The following SPAG17 variants were observed in gnomAD, a reference collection of about 807,000 sequenced individuals.
The protein encoded by SPAG17 is sperm-associated antigen 17.
A neutral mutation model predicts 273.6 loss-of-function variants in SPAG17; 169 were observed. The observed-to-expected ratio is 0.62, with a 90% confidence interval of 0.55 to 0.70. SPAG17 has a LOEUF of 0.70. Ranked by LOEUF, SPAG17 falls within the 30% of genes least tolerant of loss-of-function variation. SPAG17 has a pLI of 0.00. For missense variants in SPAG17, 2,557 were observed against 2,627.8 expected, an observed-to-expected ratio of 0.97 and a Z score of 0.59; for synonymous variants, 825 against 873.2, an observed-to-expected ratio of 0.94 and a Z score of 0.97.
intron 48 of SPAG17, chr1:117,962,578 T>C (rs540993110): frequency 6.6e-6 from 1 of 151,568 alleles, no homozygotes; most frequent in East Asian, 1.9e-4. Context: ...GAATGATGTA[T>C]TGGGAGTAAA....
At chr1:117,994,590 A>G in intron 34 of SPAG17, 60 bp from the exon 35 acceptor site, 1 of 1,535,324 alleles carries the variant, frequency 6.5e-7, no homozygotes. Flanking sequence ...GAGAAAATGA[A>G]AACGCATTGA....
chr1:117,987,848 C>G lies in SPAG17; in HGVS notation c.5655G>C (p.Lys1885Asn). 1 of 1,612,338 alleles carries G rather than the reference C, an allele frequency of 6.2e-7. No homozygotes were observed. The highest frequency in any genetic ancestry group is 8.5e-7 in the Non-Finnish European group (1 of 1,178,662). Residue 1885 changes from lysine (K) to asparagine (N), a missense_variant, in exon 40 of 49, where the codon AAG becomes AAC. Transcript: ENST00000336338. Reference protein sequence around the residue: ...HTASSKRWKEKIDKTRKEIET... With the variant: ...HTASSKRWKENIDKTRKEIET... The stretch of plus-strand genomic sequence containing the variant: ...GGTATAATTACCTCGTTTTGTCTAT[C>G]TTTTCTTTCCAGCGTTTTGAGGATG...
intron 3 of SPAG17, among the ~76,000 whole-genome samples, chr1:118,119,028 G>C (rs546699734): frequency 1.1e-4 from 16 of 152,206 alleles, no homozygotes; most frequent in Admixed American, 7.2e-4. Context: ...CTTCTCTCTA[G>C]AACCTCCCTA....
chr1:118,033,578 C>T (rs1648728473), intron 24 of SPAG17, among the ~76,000 whole-genome samples: 1 of 152,180 alleles, frequency 6.6e-6, no homozygotes, highest in South Asian at 2.1e-4. Flanking sequence ...GTGTACTCTC[C>T]AAACTACCAC....
intron 3 of SPAG17, among the ~76,000 whole-genome samples, chr1:118,147,217 T>C (rs1490467756): frequency 6.6e-6 from 1 of 152,220 alleles, no homozygotes; most frequent in Non-Finnish European, 1.5e-5. Flanking sequence ...TTAATATTCC[T>C]TCCTCTCTCT....
At chr1:118,005,842 T>C (rs192076477) in intron 31 of SPAG17, among the ~76,000 whole-genome samples, 2 of 152,322 alleles carry the variant, frequency 1.3e-5, no homozygotes, top group East Asian at 3.9e-4. Context: ...CTCGCTTTAA[T>C]ATCTCTTCTA....
chr1:118,107,205 C>A (rs1011057067), intron 4 of SPAG17, among the ~76,000 whole-genome samples: 1 of 152,114 alleles, frequency 6.6e-6, no homozygotes, highest in Non-Finnish European at 1.5e-5. Flanking sequence ...ATTTTATTTC[C>A]ATGATACTCT....
At chr1:118,053,067 C>T (rs1228834799) in intron 20 of SPAG17, among the ~76,000 whole-genome samples, 1 of 151,880 alleles carries the variant, frequency 6.6e-6, no homozygotes, top group Admixed American at 6.6e-5. Context: ...CTTAAGGAAA[C>T]AATGGATGAG....
chr1:118,021,439 G>C (rs887703148), intron 28 of SPAG17, among the ~76,000 whole-genome samples: 2 of 151,954 alleles, frequency 1.3e-5, no homozygotes. Context: ...GAATAAGAAG[G>C]GTGAATAGGT....
intron 18 of SPAG17, among the ~76,000 whole-genome samples, chr1:118,057,001 G>A (rs1048759228): frequency 6.7e-6 from 1 of 150,098 alleles, no homozygotes; most frequent in African/African-American, 2.5e-5. Context: ...TTGAGACTGA[G>A]TCTCGCTCTG....
chr1:118,111,553 A>AACACACACACACACACACACACAC (rs61266210), intron 4 of SPAG17, among the ~76,000 whole-genome samples: 3 of 135,858 alleles, frequency 2.2e-5, no homozygotes, highest in African/African-American at 5.7e-5. Context: ...CTTTTAAAAC[A>AACACACACACACACACACACACAC]ACACACACAC....
chr1:118,140,130 C>A (rs144155775), intron 3 of SPAG17, among the ~76,000 whole-genome samples: 1 of 152,264 alleles, frequency 6.6e-6, no homozygotes, highest in South Asian at 2.1e-4. Context: ...TGAGACTTCT[C>A]AGCCTCCTTA....
At chr1:118,146,322 G>A (rs1658989263) in intron 3 of SPAG17, among the ~76,000 whole-genome samples, 1 of 152,140 alleles carries the variant, frequency 6.6e-6, no homozygotes, top group Admixed American at 6.5e-5. Context: ...TTTTGGTCAG[G>A]ACTGACTATA....
At chr1:117,957,186 T>G (rs772971454) in intron 48 of SPAG17, 6 of 1,611,596 alleles carry the variant, frequency 3.7e-6, no homozygotes, top group East Asian at 2.2e-5. Flanking sequence ...GTGCCTCTTC[T>G]TCCTCCTTAG....
intron 46 of SPAG17, among the ~76,000 whole-genome samples, chr1:117,969,078 G>A (rs982299016): frequency 2.0e-5 from 3 of 152,146 alleles, no homozygotes; most frequent in Admixed American, 6.5e-5. Context: ...AAAGACAAAT[G>A]TGACTTTATT....
chr1:118,020,859 A>G (rs1660432411), intron 28 of SPAG17, among the ~76,000 whole-genome samples: 1 of 152,172 alleles, frequency 6.6e-6, no homozygotes, highest in African/African-American at 2.4e-5. Context: ...GTAATAATTT[A>G]TAACATGAAA....
At chr1:118,023,255 T>C in intron 28 of SPAG17, 49 bp downstream of exon 28, 1 of 1,500,298 alleles carries the variant, frequency 6.7e-7, no homozygotes. Context: ...TATTAAGCCC[T>C]TGAAGGCTTT....
chr1:118,110,287 C>T (rs1046798535), intron 4 of SPAG17, among the ~76,000 whole-genome samples: 1 of 151,936 alleles, frequency 6.6e-6, no homozygotes, highest in Admixed American at 6.6e-5. Context: ...AAATTATAAT[C>T]TATCTTAACT....
At chr1:118,173,025 GA>G (rs1287859583) in intron 1 of SPAG17, among the ~76,000 whole-genome samples, 2 of 150,804 alleles carry the variant, frequency 1.3e-5, no homozygotes. Flanking sequence ...GATAGGCTTG[GA>G]AAAAATGAAA....
Sources: allele counts gnomAD v4.1 joint callset (sites outside exome capture counted in the v4.1 genomes callset), GRCh38; gene constraint gnomAD v4.1.1; transcripts MANE v1.5; gene names NCBI Gene and HGNC (gene_info 2026-07-23, HGNC 2026-07-21).